Variants in GNB5 observed in about 807,000 individuals in gnomAD.
GNB5 encodes the protein guanine nucleotide-binding protein subunit beta-5.
Under a neutral mutation model 55.3 loss-of-function variants are expected in GNB5, and 37 were observed. That is an observed-to-expected ratio of 0.67 (90% confidence interval 0.51 to 0.88). The LOEUF is 0.88. GNB5 is among the 40% of genes least tolerant of loss of function. The pLI is 0.00. For synonymous variants in GNB5, 219 were observed against 198.5 expected (o/e 1.10, Z -0.87); for missense variants, 476 against 515.3 (o/e 0.92, Z 0.74).
intron 7 of GNB5, chr15:52,139,614 T>A (rs1241718846): frequency 3.6e-6 from 1 of 273,978 alleles, no homozygotes; most frequent in African/African-American, 2.2e-5. Context: ...GTGAGAAAAA[T>A]GAAGCACGCA....
chr15:52,176,648 T>C (rs2034655793), intron 3 of GNB5, among the ~76,000 whole-genome samples: 1 of 152,196 alleles, frequency 6.6e-6, no homozygotes, highest in Non-Finnish European at 1.5e-5. Context: ...AGCTGGCAAG[T>C]GGCACGCAAG....
At chr15:52,155,774 G>A (rs1461100126) in intron 3 of GNB5, among the ~76,000 whole-genome samples, 5 of 152,296 alleles carry the variant, frequency 3.3e-5, no homozygotes, top group African/African-American at 1.2e-4. Flanking sequence ...TAATGTCACT[G>A]CATCCCACCT....
intron 3 of GNB5, among the ~76,000 whole-genome samples, chr15:52,157,994 G>A (rs1402501533): frequency 3.3e-5 from 5 of 151,598 alleles, no homozygotes; most frequent in Non-Finnish European, 7.4e-5. Context: ...TTGCCTTCTG[G>A]AGGACCATTC....
chr15:52,128,682 C>T, intron 9 of GNB5: 1 of 467,162 alleles, frequency 2.1e-6, no homozygotes, highest in Non-Finnish European at 4.3e-6. Flanking sequence ...CTTGCCCAGC[C>T]TCAGTTTCCT....
chr15:52,118,869 T>TAAAAAAAA lies in GNB5; in HGVS notation c.*3880_*3887dup, dbSNP rs35277040. 1.1e-5 allele frequency: 1 copy of TAAAAAAAA among 93,332 alleles called. No individual in the cohort carries two copies. The allele number at this position is 93,332 out of a possible 1,614,324, so 5.8% of individuals were successfully genotyped here. ...TGGGCAACAAGAGCAAAACTCCACG[T>TAAAAAAAA]AAAAAAAAAAAAAAAAAAAAAGTGT... On this transcript the variant is annotated 3_prime_UTR_variant, in exon 13 of 13. Transcript: ENST00000261837.
At position 52,179,499 on chromosome 15, in the gene GNB5, A is replaced by G. The variant is rs28451227; in HGVS notation, c.238+269T>C. 0.89 allele frequency among the ~76,000 whole-genome samples: 133,881 copies of G among 150,688 alleles called. 59,874 individuals are homozygous for G. Among genetic ancestry groups the G allele is most frequent in the Non-Finnish European group, 0.96 (65,278 of 67,894 alleles). On this transcript the variant is annotated intron_variant, in intron 3 of 12. Coordinates refer to ENST00000261837, the MANE Select transcript of GNB5 (RefSeq NM_016194.4). ...CGCAGCTTCCAGGCAGGTGATGAGG[A>G]TAGCTAGTCCCGCGGTCCTCCGCTA...
At chr15:52,172,898 A>C (rs2034580819) in intron 3 of GNB5, among the ~76,000 whole-genome samples, 1 of 152,198 alleles carries the variant, frequency 6.6e-6, no homozygotes, top group Non-Finnish European at 1.5e-5. Context: ...TTGTTTGTTA[A>C]GATCATGTTA....
At position 52,172,426 on chromosome 15, in the gene GNB5, G is replaced by T. The variant is rs115541392; in HGVS notation, c.238+7342C>A. On this transcript the variant is annotated intron_variant, in intron 3 of 12. Transcript: ENST00000261837. ...CTTCCAAAGTGAGCCACCATGCCCG[G>T]CCTCCTTTTATTCTTGATCTTGACT... Among the ~76,000 whole-genome samples the T allele has an allele frequency of 6.8e-3, 1,035 of 152,010 alleles. 11 individuals carry two copies. Among genetic ancestry groups the T allele is most frequent in the African/African-American group, 0.024 (1,003 of 41,450 alleles).
intron 6 of GNB5, among the ~76,000 whole-genome samples, chr15:52,146,248 C>A (rs2033974338): frequency 1.3e-5 from 2 of 152,198 alleles, no homozygotes; most frequent in South Asian, 4.1e-4. Context: ...TGAGCCACCA[C>A]TTGCCCGGCC....
intron 1 of GNB5, among the ~76,000 whole-genome samples, chr15:52,190,778 TAAAAAAAAAAAAAAAAAA>T (rs58614125): frequency 0.4 from 39,310 of 97,406 alleles, 6,895 homozygotes; most frequent in Middle Eastern, 0.49. Context: ...CTTATTTCCT[TAAAAAAAAAAAAAAAAAA>T]AAAAAAAAAA....
Position 52,120,591 on chromosome 15 carries a change from A to C in GNB5, c.*2166T>G, listed in dbSNP as rs1188409653. On this transcript the variant is annotated 3_prime_UTR_variant, in exon 13 of 13. Transcript: ENST00000261837. ...TCCTTCCTTTCTCGTGCCTTCCTGC[A>C]CTTCTGGGAGCCGGAAGGCACAGTG... is the stretch of plus-strand genomic sequence containing the variant. 1 of 151,442 alleles carries C rather than the reference A, an allele frequency of 6.6e-6. No homozygotes were observed. The highest frequency in any genetic ancestry group is 2.4e-5 in the African/African-American group (1 of 40,938). The allele number at this position is 151,442 out of a possible 1,614,324, so 9.4% of individuals were successfully genotyped here. A position where few individuals can be genotyped will look rare whatever the true frequency, so the allele number is the denominator to read the frequency against.
At chr15:52,158,265 C>T (rs879445312) in intron 3 of GNB5, among the ~76,000 whole-genome samples, 5 of 152,138 alleles carry the variant, frequency 3.3e-5, no homozygotes, top group Admixed American at 6.6e-5. Context: ...TGTACTTTCT[C>T]GCCACCTCTC....
intron 4 of GNB5, among the ~76,000 whole-genome samples, chr15:52,153,554 C>G (rs1296698823): frequency 6.6e-6 from 1 of 152,082 alleles, no homozygotes; most frequent in African/African-American, 2.4e-5. Flanking sequence ...AGATCTGTAT[C>G]TTAACATTGT....
chr15:52,184,433 C>A, intron 2 of GNB5, 118 bp downstream of exon 2: 1 of 848,858 alleles, frequency 1.2e-6, no homozygotes, highest in Non-Finnish European at 1.9e-6. Flanking sequence ...CTCACCAAGC[C>A]CAGGCATACT....
intron 7 of GNB5, among the ~76,000 whole-genome samples, chr15:52,140,832 C>T (rs929491558): frequency 6.6e-6 from 1 of 152,164 alleles, no homozygotes; most frequent in African/African-American, 2.4e-5. Context: ...GCACGCAGAC[C>T]AGGGCACAGT....
chr15:52,131,658 T>C (rs2033576955), intron 9 of GNB5, among the ~76,000 whole-genome samples: 1 of 152,254 alleles, frequency 6.6e-6, no homozygotes, highest in South Asian at 2.1e-4. Flanking sequence ...ACTGCACAGT[T>C]ACAATAAGTG....
intron 8 of GNB5, among the ~76,000 whole-genome samples, chr15:52,133,937 T>C (rs572790371): frequency 6.6e-6 from 1 of 152,332 alleles, no homozygotes; most frequent in South Asian, 2.1e-4. Context: ...CCCAGCTTTG[T>C]TTTGGTGTAT....
chr15:52,182,709 G>C (rs980733804), intron 2 of GNB5, among the ~76,000 whole-genome samples: 1 of 152,208 alleles, frequency 6.6e-6, no homozygotes, highest in African/African-American at 2.4e-5. Flanking sequence ...TGAAAGGCCA[G>C]CTGTCAGTCA....
chr15:52,147,733 C>A (rs1231578825), intron 5 of GNB5, among the ~76,000 whole-genome samples, 198 bp from the exon 6 acceptor site: 1 of 152,112 alleles, frequency 6.6e-6, no homozygotes, highest in African/African-American at 2.4e-5. Context: ...CAGGCATGCG[C>A]CACCATGCCA....
Sources: allele counts gnomAD v4.1 joint callset (sites outside exome capture counted in the v4.1 genomes callset), GRCh38; gene constraint gnomAD v4.1.1; transcripts MANE v1.5; gene names NCBI Gene and HGNC (gene_info 2026-07-23, HGNC 2026-07-21).